The following ITGA1 variants were observed in gnomAD, a reference collection of about 807,000 sequenced individuals.
ITGA1 encodes the protein integrin alpha-1.
Under a neutral mutation model 145.9 loss-of-function variants are expected in ITGA1, and 85 were observed. The observed-to-expected ratio is 0.58, with a 90% CI of 0.49 to 0.70. ITGA1 has a LOEUF of 0.70. Ranked by LOEUF, ITGA1 falls within the 30% of genes least tolerant of loss-of-function variation. The pLI is 0.00. For synonymous variants in ITGA1, 520 were observed against 495.3 expected, an observed-to-expected ratio of 1.05 and a Z score of -0.66; for missense variants, 1,351 against 1,418.7, an observed-to-expected ratio of 0.95 and a Z score of 0.77.
intron 26 of ITGA1, among the ~76,000 whole-genome samples, chr5:52,942,766 C>T (rs1751074299): frequency 6.7e-6 from 1 of 149,516 alleles, no homozygotes; most frequent in Admixed American, 6.7e-5. Context: ...TGGTCTCGAT[C>T]TCCTGACCTC....
chr5:52,885,399 A>G (rs1750031415), intron 7 of ITGA1, among the ~76,000 whole-genome samples: 1 of 152,092 alleles, frequency 6.6e-6, no homozygotes, highest in Admixed American at 6.5e-5. Flanking sequence ...AGATACTCCT[A>G]TCACCTAGGA....
chr5:52,808,676 C>CTTTCTTTT (rs1554041033), intron 1 of ITGA1, among the ~76,000 whole-genome samples: 403 of 69,392 alleles, frequency 5.8e-3, no homozygotes, highest in African/African-American at 9.7e-3. Flanking sequence ...TTCTTTCTTT[C>CTTTCTTTT]TTTTTTTTTT....
intron 11 of ITGA1, chr5:52,903,104 A>C (rs566353792): frequency 3.9e-5 from 6 of 152,254 alleles, no homozygotes; most frequent in Non-Finnish European, 7.4e-5. Flanking sequence ...ATAAGTCATC[A>C]AAGAGAGTTA....
In ITGA1 at chr5:52,787,957, G is replaced by A. The variant is rs1019970681; in HGVS notation, c.-397G>A. 1 of 175,220 alleles carries A rather than the reference G, an allele frequency of 5.7e-6. No homozygotes were observed. The highest frequency in any genetic ancestry group is 2.4e-5 in the African/African-American group (1 of 42,466). The allele number at this position is 175,220 out of a possible 1,614,324, so 10.9% of individuals were successfully genotyped here. A position where few individuals can be genotyped will look rare whatever the true frequency, so the allele number is the denominator to read the frequency against. On this transcript the variant is annotated 5_prime_UTR_variant, in exon 1 of 29. Coordinates refer to ENST00000282588, the MANE Select transcript of ITGA1 (RefSeq NM_181501.2). ...CCTTAGGGGATTTGGCCCGGAGAAC[G>A]AGATCACCCTCTCAATGAAAGGCAG...
At chr5:52,923,009 G>GAAAA in intron 18 of ITGA1, 122 bp downstream of exon 18, 1 of 602,622 alleles carries the variant, frequency 1.7e-6, no homozygotes, top group Admixed American at 3.1e-5. Context: ...CTGGAAGAAA[G>GAAAA]AAAAAAAAGG....
intron 16 of ITGA1, among the ~76,000 whole-genome samples, chr5:52,919,225 A>G (rs904433766): frequency 1.3e-5 from 2 of 152,176 alleles, no homozygotes; most frequent in Non-Finnish European, 2.9e-5. Flanking sequence ...AAATTGAGCT[A>G]CAAATGGGCC....
chr5:52,955,740 T>G lies in ITGA1; in HGVS notation c.*3289T>G, dbSNP rs1344682709. 4 of 152,162 alleles carry G rather than the reference T, an allele frequency of 2.6e-5. No individual in the cohort carries two copies. Among genetic ancestry groups the G allele is most frequent in the African/African-American group, 9.7e-5 (4 of 41,438 alleles). 9.4% of individuals were successfully genotyped at this position (152,162 alleles called of 1,614,324 possible). A position where few individuals can be genotyped will look rare whatever the true frequency, so the allele number is the denominator to read the frequency against. ...ATGACACTTTGTAAATATTTTGAAC[T>G]TCTATGATCCAATTTCAACTTCATT... On this transcript the variant is annotated 3_prime_UTR_variant, in exon 29 of 29. Transcript: ENST00000282588.
chr5:52,910,715 GGTATATATAGTGT>G (rs1282373867), intron 14 of ITGA1, among the ~76,000 whole-genome samples: 2 of 142,380 alleles, frequency 1.4e-5, no homozygotes, highest in Non-Finnish European at 3.0e-5. Flanking sequence ...TACTATATAT[GGTATATATAGTGT>G]GTATATAGTA....
intron 24 of ITGA1, among the ~76,000 whole-genome samples, chr5:52,938,320 G>C (rs1278976777): frequency 6.6e-6 from 1 of 152,024 alleles, no homozygotes; most frequent in Non-Finnish European, 1.5e-5. Context: ...TTTTTAGCTT[G>C]AATGAGACTA....
rs368245621 is a variant in ITGA1 at position 52,922,260 on chromosome 5, C to T, written c.2293-517C>T. Among the ~76,000 whole-genome samples, 21 of 152,044 alleles carry T rather than the reference C, an allele frequency of 1.4e-4. No homozygotes were observed. In the South Asian group the frequency reaches 3.3e-3, roughly 24 times the overall value. On this transcript the variant is annotated intron_variant, in intron 17 of 28. Coordinates refer to ENST00000282588, the MANE Select transcript of ITGA1 (RefSeq NM_181501.2). ...AGGTTGCAGTGAGCCGAGATCGTGC[C>T]GCTGTACTCCAGCCTGGGTGACAGA...
chr5:52,861,231 ATATG>A (rs1365008700), intron 2 of ITGA1, among the ~76,000 whole-genome samples: 5 of 152,108 alleles, frequency 3.3e-5, no homozygotes, highest in African/African-American at 1.2e-4. Flanking sequence ...TGTATATTGT[ATATG>A]TATGTGTGTG....
intron 6 of ITGA1, among the ~76,000 whole-genome samples, chr5:52,876,618 G>C (rs1343077126): frequency 1.3e-5 from 2 of 152,036 alleles, no homozygotes; most frequent in Non-Finnish European, 2.9e-5. Flanking sequence ...TATGCGAAAT[G>C]TTACAGTCAT....
chr5:52,800,098 T>G, intron 1 of ITGA1: 2 of 343,800 alleles, frequency 5.8e-6, no homozygotes, highest in South Asian at 3.2e-5. Context: ...GCGCCTTCAT[T>G]TCGTCAGCCC....
chr5:52,917,678 G>A (rs911989912), intron 15 of ITGA1, among the ~76,000 whole-genome samples: 6 of 151,792 alleles, frequency 4.0e-5, no homozygotes, highest in African/African-American at 1.4e-4. Flanking sequence ...ATATGAAGAT[G>A]TGCTTTTGTA....
chr5:52,856,284 T>G (rs1422957206), intron 2 of ITGA1, among the ~76,000 whole-genome samples: 6 of 152,186 alleles, frequency 3.9e-5, no homozygotes, highest in Non-Finnish European at 7.3e-5. Flanking sequence ...CCTTTCCTTC[T>G]GCCTTACAAT....
intron 17 of ITGA1, among the ~76,000 whole-genome samples, chr5:52,920,899 T>C (rs1193754476): frequency 1.3e-5 from 2 of 152,150 alleles, no homozygotes; most frequent in Non-Finnish European, 2.9e-5. Context: ...CTGGGATCCA[T>C]GTAACTACAT....
chr5:52,938,715 A>G (rs1751008405), intron 24 of ITGA1, among the ~76,000 whole-genome samples: 1 of 152,210 alleles, frequency 6.6e-6, no homozygotes, highest in African/African-American at 2.4e-5. Context: ...TAAATATAGC[A>G]TTTTAACATA....
At chr5:52,831,712 A>G (rs1749073383) in intron 1 of ITGA1, among the ~76,000 whole-genome samples, 1 of 151,980 alleles carries the variant, frequency 6.6e-6, no homozygotes, top group East Asian at 1.9e-4. Context: ...GGCAGAGACA[A>G]TATATTTTTT....
chr5:52,799,585 C>G (rs1040881046), intron 1 of ITGA1, among the ~76,000 whole-genome samples: 6 of 152,198 alleles, frequency 3.9e-5, no homozygotes, highest in African/African-American at 1.4e-4. Flanking sequence ...CGTGCAGACA[C>G]GGTAACTAGG....
Sources: gnomAD v4.1 joint callset for allele counts (sites outside exome capture counted in the v4.1 genomes callset) on GRCh38, gnomAD v4.1.1 for gene constraint, MANE v1.5 for transcripts, NCBI Gene and HGNC (gene_info 2026-07-23, HGNC 2026-07-21) for gene names.